Variants in ANO10 observed in about 807,000 individuals in gnomAD.
ANO10 encodes anoctamin 10, also known as anoctamin-10.
A neutral mutation model predicts 74.7 loss-of-function variants in ANO10; 77 were observed. The observed-to-expected ratio is 1.03, with a 90% CI of 0.86 to 1.25. ANO10 has a LOEUF of 1.25. ANO10 is among the 50% of genes most tolerant of loss of function. ANO10 has a pLI of 0.00. For synonymous variants in ANO10, 279 were observed against 284.9 expected (o/e 0.98, Z 0.21); for missense variants, 721 against 778.1 (o/e 0.93, Z 0.87).
chr3:43,615,900 G>A (rs968057077), intron 1 of ANO10, among the ~76,000 whole-genome samples: 3 of 151,972 alleles, frequency 2.0e-5, no homozygotes, highest in African/African-American at 7.3e-5. Context: ...TGATCCGCCC[G>A]CCTCGGCCTC....
In ANO10 at chr3:43,371,351, G is replaced by T. The variant is rs13077282; in HGVS notation, c.1915-4377C>A. On this transcript the variant is annotated intron_variant, in intron 12 of 12. Transcript: ENST00000292246. ...TGGCCACATAGGGTGTCTAGGAATGGAGTTCTCAGGCCACTTCAGCCCAGC... is the reference window on the plus strand; with the variant it reads ...TGGCCACATAGGGTGTCTAGGAATGTAGTTCTCAGGCCACTTCAGCCCAGC... Among the ~76,000 whole-genome samples the T allele has an allele frequency of 4.6e-5, 7 of 152,268 alleles. No individual in the cohort carries two copies. In the East Asian group the frequency reaches 1.4e-3, roughly 29 times the overall value.
At chr3:43,690,938 A>G (rs992545078) in intron 1 of ANO10, 4 of 1,535,320 alleles carry the variant, frequency 2.6e-6, no homozygotes, top group East Asian at 2.7e-5. Flanking sequence ...GGGGCGGCCC[A>G]GTCGGCCTGT....
intron 11 of ANO10, among the ~76,000 whole-genome samples, chr3:43,447,844 T>C (rs1263371776): frequency 6.6e-6 from 1 of 152,240 alleles, no homozygotes; most frequent in Non-Finnish European, 1.5e-5. Flanking sequence ...GTACCAATAC[T>C]GATACTTTAT....
chr3:43,653,872 G>T (rs1224379559), intron 1 of ANO10, among the ~76,000 whole-genome samples: 1 of 151,836 alleles, frequency 6.6e-6, no homozygotes, highest in African/African-American at 2.4e-5. Flanking sequence ...AGTGGTTAAT[G>T]GTTAAGCCTA....
chr3:43,443,679 C>CT (rs59685910), intron 11 of ANO10, among the ~76,000 whole-genome samples: 73,160 of 121,534 alleles, frequency 0.6, 23,225 homozygotes, highest in East Asian at 0.8. Context: ...TTCCTTCCTT[C>CT]TTTTTTTTTT....
In ANO10 at chr3:43,555,264, T is replaced by C. The variant is rs1234169018; in HGVS notation, c.1668+14A>G. ...TTATTTTTTAAAGGAATAATTTTTT[T>C]CTCAAACAATTACCTGCCACACACC... On this transcript the variant is annotated intron_variant, in intron 10 of 12. Transcript: ENST00000292246. 1.2e-6 allele frequency: 2 copies of C among 1,612,424 alleles called. No individual in the cohort carries two copies. The highest frequency in any genetic ancestry group is 1.7e-5 in the Admixed American group (1 of 60,004).
intron 7 of ANO10, among the ~76,000 whole-genome samples, chr3:43,569,005 T>C (rs1436850179): frequency 3.9e-5 from 5 of 129,386 alleles, no homozygotes; most frequent in African/African-American, 1.6e-4. Context: ...AAAGGGGATA[T>C]CACCACCGAT....
chr3:43,567,675 T>C (rs2080444283), intron 7 of ANO10, among the ~76,000 whole-genome samples: 4 of 151,912 alleles, frequency 2.6e-5, no homozygotes, highest in African/African-American at 9.7e-5. Flanking sequence ...CAAGAGCTCC[T>C]GAAGGAAGCA....
intron 11 of ANO10, among the ~76,000 whole-genome samples, chr3:43,441,798 T>A (rs1473023266): frequency 6.6e-6 from 1 of 152,052 alleles, no homozygotes; most frequent in African/African-American, 2.4e-5. Context: ...ATTAAAAAAA[T>A]TACGCAGCAT....
intron 11 of ANO10, among the ~76,000 whole-genome samples, chr3:43,457,931 C>T (rs1220737167): frequency 6.6e-6 from 1 of 152,068 alleles, no homozygotes; most frequent in Non-Finnish European, 1.5e-5. Context: ...AGGCCCCCAA[C>T]CCATCCCCCA....
chr3:43,395,081 A>G (rs1242741238), intron 12 of ANO10, among the ~76,000 whole-genome samples: 1 of 152,194 alleles, frequency 6.6e-6, no homozygotes, highest in Non-Finnish European at 1.5e-5. Context: ...GAGGGTGGGT[A>G]GCTGAATTCT....
chr3:43,498,682 G>C (rs1191759954), intron 11 of ANO10, among the ~76,000 whole-genome samples: 2 of 152,192 alleles, frequency 1.3e-5, no homozygotes, highest in African/African-American at 4.8e-5. Context: ...GAGATTTACT[G>C]ATGCTGTCCT....
chr3:43,620,697 G>A (rs938314830), intron 1 of ANO10, among the ~76,000 whole-genome samples: 2 of 152,142 alleles, frequency 1.3e-5, no homozygotes, highest in Admixed American at 6.5e-5. Context: ...CCCGAGAGGC[G>A]GAGGTTGCAG....
At chr3:43,691,288 C>T in intron 1 of ANO10, 8 of 359,916 alleles carry the variant, frequency 2.2e-5, no homozygotes, top group Non-Finnish European at 4.0e-5. Context: ...CGCCGGGAGG[C>T]CGCCTTGACC....
At chr3:43,377,705 A>G (rs764535540) in intron 12 of ANO10, among the ~76,000 whole-genome samples, 2 of 152,196 alleles carry the variant, frequency 1.3e-5, no homozygotes, top group Non-Finnish European at 2.9e-5. Flanking sequence ...AGGCGTGGCC[A>G]GGCCAGTGGA....
chr3:43,648,626 C>T (rs1334180376), intron 1 of ANO10, among the ~76,000 whole-genome samples: 12 of 148,836 alleles, frequency 8.1e-5, no homozygotes, highest in Non-Finnish European at 1.2e-4. Flanking sequence ...GGTGATCGAT[C>T]GGAGGTCACT....
At chr3:43,398,557 CTTATT>C (rs1387322504) in intron 12 of ANO10, among the ~76,000 whole-genome samples, 1 of 152,178 alleles carries the variant, frequency 6.6e-6, no homozygotes, top group African/African-American at 2.4e-5. Context: ...TCTTTAGATA[CTTATT>C]TTATTCATTC....
At position 43,527,470 on chromosome 3, in the gene ANO10, TAAC is replaced by T. The variant is rs1221057584; in HGVS notation, c.1797+22247_1797+22249del. ...TGAATTCAATTTTTTCTAGATATAA[TAAC>T]ATTATTACAGAGTTCTGGGTTCTCA... On this transcript the variant is annotated intron_variant, in intron 11 of 12. Transcript: ENST00000292246. Among the ~76,000 whole-genome samples the T allele has an allele frequency of 3.9e-5, 6 of 152,246 alleles. No homozygotes were observed. In the South Asian group the frequency reaches 1.2e-3, roughly 32 times the overall value.
At position 43,403,823 on chromosome 3, in the gene ANO10, C is replaced by T. The variant is rs190810273; in HGVS notation, c.1914+28788G>A. On this transcript the variant is annotated intron_variant, in intron 12 of 12. Transcript: ENST00000292246. Reference sequence around the variant, plus strand: ...AATGATTTATAACAGAATCTTTCAACTTAATAAACATTCAGAGTACCTGTG... The same window carrying T: ...AATGATTTATAACAGAATCTTTCAATTTAATAAACATTCAGAGTACCTGTG... Among the ~76,000 whole-genome samples, 282 of 152,292 alleles carry T rather than the reference C, an allele frequency of 1.9e-3. 1 individual carries two copies. The highest frequency in any genetic ancestry group is 4.9e-3 in the African/African-American group (204 of 41,544).
Sources: allele counts gnomAD v4.1 joint callset (sites outside exome capture counted in the v4.1 genomes callset), GRCh38; gene constraint gnomAD v4.1.1; transcripts MANE v1.5; gene names NCBI Gene and HGNC (gene_info 2026-07-23, HGNC 2026-07-21).